Variants in ESCO1 observed in about 807,000 individuals in gnomAD.
The protein encoded by ESCO1 is N-acetyltransferase ESCO1.
Under a neutral mutation model 83.5 loss-of-function variants are expected in ESCO1, and 33 were observed. The observed-to-expected ratio is 0.40, with a 90% CI of 0.30 to 0.53. ESCO1 has a LOEUF of 0.53. Ranked by LOEUF, ESCO1 falls within the 20% of genes least tolerant of loss-of-function variation. The probability of loss-of-function intolerance (pLI) is 0.63; values close to 1 mark genes in which losing one functional copy is unlikely to be tolerated. For synonymous variants in ESCO1, 332 were observed against 324.3 expected (o/e 1.02, Z -0.25); for missense variants, 855 against 968.0 (o/e 0.88, Z 1.55).
intron 1 of ESCO1, among the ~76,000 whole-genome samples, chr18:21,589,236 C>G (rs2038626296): frequency 6.8e-6 from 1 of 147,320 alleles, no homozygotes; most frequent in Non-Finnish European, 1.5e-5. Context: ...AAGACTCCGT[C>G]TCAAAAAAAA....
At chr18:21,553,412 CTAAGA>C (rs61272669) in intron 8 of ESCO1, among the ~76,000 whole-genome samples, 145,982 of 148,258 alleles carry the variant, frequency 0.98, 71,902 homozygotes, top group South Asian at 1. Context: ...TCGAAATAAG[CTAAGA>C]TGACACCGCA....
intron 2 of ESCO1, among the ~76,000 whole-genome samples, chr18:21,579,142 G>A (rs2038458850): frequency 6.6e-6 from 1 of 152,028 alleles, no homozygotes; most frequent in African/African-American, 2.4e-5. Context: ...TTACAGGCAT[G>A]AGCCACTGCG....
chr18:21,587,937 G>T (rs1013762366), intron 1 of ESCO1, among the ~76,000 whole-genome samples: 2 of 151,668 alleles, frequency 1.3e-5, no homozygotes, highest in East Asian at 1.9e-4. Context: ...TAAAACACAA[G>T]GTGCCCCTGG....
In ESCO1 at chr18:21,539,917, T is replaced by C. The variant is rs2037882839; in HGVS notation, c.2043+3A>G. 1 of 1,611,442 alleles carries C rather than the reference T, an allele frequency of 6.2e-7. No homozygotes were observed. The highest frequency in any genetic ancestry group is 1.7e-5 in the Admixed American group (1 of 59,552). On this transcript the variant is annotated splice_donor_region_variant and intron_variant, in intron 9 of 11. Coordinates refer to ENST00000269214, the MANE Select transcript of ESCO1 (RefSeq NM_052911.3). ...TCTACATGAAGTTTCACTGGAAATT[T>C]ACCTTTTTCAGGGCATACTTTGGGT...
chr18:21,582,795 T>C (rs768426631), intron 2 of ESCO1, among the ~76,000 whole-genome samples: 3 of 152,234 alleles, frequency 2.0e-5, no homozygotes, highest in Non-Finnish European at 2.9e-5. Flanking sequence ...AACAATACAC[T>C]CTTGGTAAAT....
chr18:21,536,325 C>T, intron 9 of ESCO1, 140 bp from the exon 10 acceptor site: 1 of 973,694 alleles, frequency 1.0e-6, no homozygotes, highest in East Asian at 2.7e-5. Flanking sequence ...TGTGGTGGTT[C>T]ACACCTGTAA....
chr18:21,532,604 G>C lies in ESCO1; in HGVS notation c.2244C>G (p.Val748=). ...LPVIRSEEEK[V]RFERQKAWCC... is the part of the protein sequence containing the mutation. ...ACCAGGCTTTTTGCCTTTCAAATCT[G>C]ACTTTTTCTTCTTCTGACCTGATAA... Residue 748 remains valine, a synonymous_variant, in exon 11 of 12, where the codon GTC becomes GTG. Coordinates refer to ENST00000269214, the MANE Select transcript of ESCO1 (RefSeq NM_052911.3). 6.2e-7 allele frequency: 1 copy of C among 1,614,118 alleles called. No individual in the cohort carries two copies. Among genetic ancestry groups the C allele is most frequent in the South Asian group, 1.1e-5 (1 of 91,076 alleles).
chr18:21,595,963 C>A (rs1357165598), intron 1 of ESCO1, among the ~76,000 whole-genome samples: 5 of 150,814 alleles, frequency 3.3e-5, no homozygotes, highest in Non-Finnish European at 7.4e-5. Context: ...GACTCCATCT[C>A]AAAAAATAAA....
intron 11 of ESCO1, among the ~76,000 whole-genome samples, chr18:21,531,473 A>G (rs1052793461): frequency 6.6e-6 from 1 of 152,020 alleles, no homozygotes; most frequent in African/African-American, 2.4e-5. Context: ...AAATGTAACA[A>G]AAGAAGCATT....
At chr18:21,594,240 A>G (rs2038727852) in intron 1 of ESCO1, among the ~76,000 whole-genome samples, 1 of 152,238 alleles carries the variant, frequency 6.6e-6, no homozygotes, top group Non-Finnish European at 1.5e-5. Flanking sequence ...AATTAAAACA[A>G]GGCAAGCCTA....
chr18:21,592,466 C>T (rs1335930007), intron 1 of ESCO1, among the ~76,000 whole-genome samples: 2 of 145,042 alleles, frequency 1.4e-5, no homozygotes, highest in Non-Finnish European at 3.0e-5. Flanking sequence ...GGCGGCTGGC[C>T]GGGCAGAGAG....
At chr18:21,598,367 T>C (rs2038794116) in intron 1 of ESCO1, among the ~76,000 whole-genome samples, 1 of 152,198 alleles carries the variant, frequency 6.6e-6, no homozygotes, top group South Asian at 2.1e-4. Flanking sequence ...GCATAATTTA[T>C]CAATTTAAAT....
At chr18:21,577,659 C>CAA (rs60796995) in intron 2 of ESCO1, among the ~76,000 whole-genome samples, 24 of 69,082 alleles carry the variant, frequency 3.5e-4, no homozygotes, top group Non-Finnish European at 5.0e-4. Context: ...GACTCCGTCT[C>CAA]AAAAAAAAAA....
chr18:21,550,883 T>C (rs1385435013), intron 8 of ESCO1, among the ~76,000 whole-genome samples: 3 of 150,872 alleles, frequency 2.0e-5, no homozygotes, highest in Non-Finnish European at 3.0e-5. Flanking sequence ...GAGGCCGAGA[T>C]GGGCGGATCA....
chr18:21,539,881 A>G (rs533978546), intron 9 of ESCO1, 39 bp downstream of exon 9: 6 of 1,527,438 alleles, frequency 3.9e-6, no homozygotes, highest in East Asian at 2.3e-5. Flanking sequence ...CTGCAAAATG[A>G]TATTATCCAC....
chr18:21,584,964 G>A (rs2850584), intron 1 of ESCO1, among the ~76,000 whole-genome samples: 150,859 of 152,118 alleles, frequency 0.99, 74,820 homozygotes, highest in East Asian at 1. Context: ...AGATGGTGAA[G>A]CCCCGTCTCT....
Position 21,575,773 on chromosome 18 carries a change from A to G in ESCO1, c.-689T>C, listed in dbSNP as rs2038411387. 2.5e-6 allele frequency: 1 copy of G among 398,122 alleles called. No individual in the cohort carries two copies. Among genetic ancestry groups the G allele is most frequent in the African/African-American group, 2.1e-5 (1 of 48,618 alleles). The allele number at this position is 398,122 out of a possible 1,614,324, so 24.7% of individuals were successfully genotyped here. On this transcript the variant is annotated 5_prime_UTR_variant, in exon 3 of 12. Transcript: ENST00000269214. ...CTAATATGCTCTTAACACATCACACAGCACCTGAAAGAAAAAGGGTTTTTT... is the reference window on the plus strand; with the variant it reads ...CTAATATGCTCTTAACACATCACACGGCACCTGAAAGAAAAAGGGTTTTTT...
At chr18:21,584,617 T>A (rs1256065411) in intron 1 of ESCO1, among the ~76,000 whole-genome samples, 177 bp from the exon 2 acceptor site, 1 of 151,908 alleles carries the variant, frequency 6.6e-6, no homozygotes, top group Non-Finnish European at 1.5e-5. Context: ...GCCCAGGAGT[T>A]TGAGACCAGA....
intron 10 of ESCO1, among the ~76,000 whole-genome samples, chr18:21,533,511 G>A (rs1393071709): frequency 6.6e-6 from 1 of 152,088 alleles, no homozygotes; most frequent in Non-Finnish European, 1.5e-5. Flanking sequence ...GGCCAGGCTG[G>A]TCTTGAACTC....
Sources: gnomAD v4.1 joint callset for allele counts (sites outside exome capture counted in the v4.1 genomes callset) on GRCh38, gnomAD v4.1.1 for gene constraint, MANE v1.5 for transcripts, NCBI Gene and HGNC (gene_info 2026-07-23, HGNC 2026-07-21) for gene names.